ZNF326: variants seen among roughly 807,000 people sequenced by gnomAD.
ZNF326 encodes the protein DBIRD complex subunit ZNF326.
A neutral mutation model predicts 63.1 loss-of-function variants in ZNF326; 30 were observed. That is an observed-to-expected ratio of 0.48 (90% CI 0.36 to 0.64). The LOEUF is 0.64. Among genes scored for constraint, ZNF326 ranks in the 30% least tolerant of loss-of-function variants. ZNF326 has a pLI of 0.00. For synonymous variants in ZNF326, 194 were observed against 228.2 expected, an observed-to-expected ratio of 0.85 and a Z score of 1.35; for missense variants, 609 against 720.3, an observed-to-expected ratio of 0.85 and a Z score of 1.77.
chr1:90,003,373 C>T (rs940547047), intron 2 of ZNF326, among the ~76,000 whole-genome samples: 2 of 152,160 alleles, frequency 1.3e-5, no homozygotes, highest in Non-Finnish European at 2.9e-5. Context: ...ACCTCGTGAT[C>T]TACCTGCCTC....
rs1195586447 is a variant in ZNF326, at chr1:90,034,381, G to A, written c.*6680G>A. The A allele has an allele frequency of 6.6e-6, 1 of 152,116 alleles. No individual in the cohort carries two copies. Among genetic ancestry groups the A allele is most frequent in the East Asian group, 1.9e-4 (1 of 5,202 alleles). The allele number at this position is 152,116 out of a possible 1,614,324, so 9.4% of individuals were successfully genotyped here. On this transcript the variant is annotated 3_prime_UTR_variant, in exon 12 of 12. Transcript: ENST00000340281. ...AGAAATTGTCAAATTTATAATCATA[G>A]CTACGTATTTGAACACAGCGCTTAG...
intron 11 of ZNF326, 63 bp from the exon 12 acceptor site, chr1:90,027,291 T>C (rs1055263828): frequency 2.7e-6 from 4 of 1,505,064 alleles, no homozygotes; most frequent in Non-Finnish European, 3.6e-6. Context: ...AGTAAAAATT[T>C]CACTTGCCAG....
chr1:90,005,837 G>A (rs1430629610), intron 4 of ZNF326: 4 of 985,308 alleles, frequency 4.1e-6, no homozygotes, highest in Non-Finnish European at 4.8e-6. Flanking sequence ...TTGTGCTCTA[G>A]GCTAGAAGCA....
Position 90,027,383 on chromosome 1 carries a change from T to G in ZNF326, c.1431T>G (p.His477Gln). Residue 477 changes from histidine (H) to glutamine (Q), a missense_variant, in exon 12 of 12, where the codon CAT (histidine) becomes CAG (glutamine). Physicochemically the swap from His to Gln is conservative, Grantham distance 24. Around this residue, in one of 3 missense-constraint regions of ZNF326, gnomAD observed 399 missense variants for 444.3 expected, o/e 0.90. Transcript: ENST00000340281. ...KGENPFEIQDHSQDQQIEGDE... is the reference protein window; with the variant it reads ...KGENPFEIQDQSQDQQIEGDE... ...AGAATCCTTTTGAAATTCAAGACCA[T>G]TCTCAGGATCAGCAAATAGAAGGAG... 1 of 1,613,904 alleles carries G rather than the reference T, an allele frequency of 6.2e-7. No individual in the cohort carries two copies. The highest frequency in any genetic ancestry group is 8.5e-7 in the Non-Finnish European group (1 of 1,179,952).
At chr1:90,010,790 T>G (rs79859175) in intron 6 of ZNF326, among the ~76,000 whole-genome samples, 1 of 152,294 alleles carries the variant, frequency 6.6e-6, no homozygotes, top group Non-Finnish European at 1.5e-5. Flanking sequence ...AATGTTAGAT[T>G]CTTTCCTCAA....
rs773805469 is a variant in ZNF326, at chr1:90,027,566, A to T, written c.1614A>T (p.Val538=). The stretch of plus-strand genomic sequence containing the variant: ...AGGGCGAGGGAAATATACAGGGAGT[A>T]GGGGAAGGAGGGGAAGTAGGGGTAG... The part of the protein sequence containing the change: ...GIEGEGNIQG[V]GEGGEVGVVG... The change falls in exon 12 of 12, where the codon GTA becomes GTT. Residue 538 remains valine, a synonymous_variant. Transcript: ENST00000340281. 13 of 1,600,514 alleles carry T rather than the reference A, an allele frequency of 8.1e-6. No individual in the cohort carries two copies. Among genetic ancestry groups the T allele is most frequent in the Admixed American group, 1.7e-5 (1 of 58,572 alleles).
At chr1:90,013,097 A>C in intron 6 of ZNF326, 29 bp from the exon 7 acceptor site, 1 of 1,569,474 alleles carries the variant, frequency 6.4e-7, no homozygotes. Context: ...AATGAATTTT[A>C]GCTTTTACTT....
Position 90,020,844 on chromosome 1 carries a change from T to C in ZNF326, c.1227T>C (p.Ala409=), listed in dbSNP as rs763194743. The change falls in exon 10 of 12, where the codon GCT becomes GCC. Residue 409 remains alanine (A), a synonymous_variant. Transcript: ENST00000340281. ...MMKVETVHCS[A]CSVYIPALHS... ...AGGTAGAGACAGTTCATTGCAGCGC[T>C]TGCAGTGTTTATATCCCTGCTTTAC... 6.2e-7 allele frequency: 1 copy of C among 1,613,078 alleles called. No homozygotes were observed. Among genetic ancestry groups the C allele is most frequent in the Non-Finnish European group, 8.5e-7 (1 of 1,179,242 alleles).
intron 2 of ZNF326, among the ~76,000 whole-genome samples, chr1:90,001,720 AT>A (rs1050182215): frequency 2.0e-5 from 3 of 151,496 alleles, no homozygotes; most frequent in African/African-American, 7.3e-5. Context: ...TGCCTGGCTA[AT>A]TTTTTTTGTG....
At chr1:89,995,349 T>C in intron 1 of ZNF326, 76 bp downstream of exon 1, 11 of 1,496,626 alleles carry the variant, frequency 7.3e-6, no homozygotes, top group Non-Finnish European at 9.8e-6. Flanking sequence ...GTTTACCGTC[T>C]CAAGATGGCC....
At chr1:90,002,831 G>T (rs75611273) in intron 2 of ZNF326, among the ~76,000 whole-genome samples, 6,600 of 152,174 alleles carry the variant, frequency 0.043, 203 homozygotes, top group Non-Finnish European at 0.062. Context: ...ACTTTGAATG[G>T]ATCTTTTTTA....
intron 7 of ZNF326, among the ~76,000 whole-genome samples, chr1:90,014,553 A>G (rs1458909840): frequency 1.3e-5 from 2 of 152,230 alleles, no homozygotes; most frequent in Non-Finnish European, 2.9e-5. Flanking sequence ...AAGGACGCTT[A>G]AAATTTGTTG....
rs1413392638 is a variant in ZNF326, at chr1:90,017,417, A to G, written c.1027A>G (p.Ile343Val). The part of the protein sequence containing the change: ...SSSHQETLDH[I>V]QKQTKFDKVV... The stretch of plus-strand genomic sequence containing the variant: ...TTCACATCAGGAAACATTAGATCAT[A>G]TACAGAAACAAACTAAATTTGATAA... The change falls in exon 8 of 12, where the codon ATA (isoleucine) becomes GTA (valine). Residue 343 changes from isoleucine (I) to valine (V), a missense_variant. Physicochemically the swap from Ile to Val is conservative, Grantham distance 29. This residue lies in a region of ZNF326 where 399 missense variants were observed against 444.3 expected (regional missense o/e 0.90). Transcript: ENST00000340281. 6.3e-7 allele frequency: 1 copy of G among 1,598,740 alleles called. No homozygotes were observed. Among genetic ancestry groups the G allele is most frequent in the Non-Finnish European group, 8.5e-7 (1 of 1,175,980 alleles).
chr1:90,027,915 A>G lies in ZNF326; in HGVS notation c.*214A>G. On this transcript the variant is annotated 3_prime_UTR_variant, in exon 12 of 12. Transcript: ENST00000340281. ...TAGTTTTTATAGCTACCAGACTTAG[A>G]TCCGATAAATTGTTTGTATAATTTT... is the stretch of plus-strand genomic sequence containing the variant. 3 of 538,870 alleles carry G rather than the reference A, an allele frequency of 5.6e-6. No individual in the cohort carries two copies. Among genetic ancestry groups the G allele is most frequent in the Middle Eastern group, 4.9e-4 (1 of 2,036 alleles). The allele number at this position is 538,870 out of a possible 1,614,324, so 33.4% of individuals were successfully genotyped here. A position where few individuals can be genotyped will look rare whatever the true frequency, so the allele number is the denominator to read the frequency against.
intron 9 of ZNF326, among the ~76,000 whole-genome samples, chr1:90,019,002 A>G (rs1009918977): frequency 2.4e-4 from 36 of 152,122 alleles, no homozygotes; most frequent in African/African-American, 7.5e-4. Context: ...TTTGAGAGGA[A>G]AAGTTACCTT....
chr1:89,996,699 A>C (rs1648393367), intron 1 of ZNF326, among the ~76,000 whole-genome samples: 1 of 152,120 alleles, frequency 6.6e-6, no homozygotes, highest in African/African-American at 2.4e-5. Context: ...AGATCGTGCC[A>C]TTGCACTCTA....
Position 90,018,783 on chromosome 1 carries a change from A to G in ZNF326, c.1173A>G (p.Glu391=), listed in dbSNP as rs200881514. ...AAATAATTGAAAAAGATGTTATGGA[A>G]GGTAAGTATTTAAAACAAATTATTT... ...VVKIIEKDVM[E]GVTVDDHMMK... is the part of the protein sequence containing the mutation. Residue 391 remains glutamate, a splice_region_variant and synonymous_variant, in exon 9 of 12, where the codon GAA becomes GAG. Transcript: ENST00000340281. 2.9e-5 allele frequency: 44 copies of G among 1,506,932 alleles called. No individual in the cohort carries two copies. The East Asian group carries it at 6.9e-4, about 24-fold the overall frequency. The allele number at this position is 1,506,932 out of a possible 1,614,324, so 93.3% of individuals were successfully genotyped here. A position where few individuals can be genotyped will look rare whatever the true frequency, so the allele number is the denominator to read the frequency against.
Position 90,017,468 on chromosome 1 carries a change from AG to A in ZNF326, c.1074+5del. ...AGTAGTTATGGAGTTTTTGCATGTG[AG>A]TAGCTGTTTTTGAAGTGAGAAGCAT... On this transcript the variant is annotated splice_donor_5th_base_variant and intron_variant, in intron 8 of 11. Transcript: ENST00000340281. 1 of 1,571,636 alleles carries A rather than the reference AG, an allele frequency of 6.4e-7. No individual in the cohort carries two copies. Among genetic ancestry groups the A allele is most frequent in the Non-Finnish European group, 8.6e-7 (1 of 1,167,270 alleles).
At chr1:90,025,449 T>C (rs989273618) in intron 11 of ZNF326, among the ~76,000 whole-genome samples, 2 of 152,124 alleles carry the variant, frequency 1.3e-5, no homozygotes, top group African/African-American at 4.8e-5. Context: ...CCAGCTAATT[T>C]TTGCCCGAAA....
Sources: gnomAD v4.1 joint callset for allele counts (sites outside exome capture counted in the v4.1 genomes callset) on GRCh38, gnomAD v4.1.1 for gene constraint, gnomAD v4.1.1 regional missense constraint, MANE v1.5 for transcripts, NCBI Gene and HGNC (gene_info 2026-07-23, HGNC 2026-07-21) for gene names.